The following HS6ST2 variants were observed in gnomAD, a reference collection of about 807,000 sequenced individuals.
The protein encoded by HS6ST2 is heparan sulfate 6-O-sulfotransferase 2.
Under a neutral mutation model 33.0 loss-of-function variants are expected in HS6ST2, and 17 were observed. The ratio of observed to expected loss-of-function variants is 0.52; its 90% CI spans 0.35 to 0.77. The LOEUF (loss-of-function observed/expected upper bound fraction) is 0.77. Among genes scored for constraint, HS6ST2 ranks in the 30% least tolerant of loss-of-function variants. The pLI is 0.01. For missense variants in HS6ST2, 519 were observed against 551.7 expected, an observed-to-expected ratio of 0.94 and a Z score of 0.59; for synonymous variants, 248 against 237.1, an observed-to-expected ratio of 1.05 and a Z score of -0.42.
intron 4 of HS6ST2, among the ~76,000 whole-genome samples, chrX:132,641,917 G>A (rs957468872): frequency 8.9e-6 from 1 of 112,243 alleles, no homozygotes; most frequent in South Asian, 3.8e-4. Context: ...TTACAGAACC[G>A]CAGGGCTGGG....
At chrX:132,690,688 T>C (rs1308429161) in intron 3 of HS6ST2, among the ~76,000 whole-genome samples, 1 of 112,498 alleles carries the variant, frequency 8.9e-6, no homozygotes, top group Non-Finnish European at 1.9e-5. Context: ...TTGTCTCCTA[T>C]ATCTCCTCAC....
intron 2 of HS6ST2, among the ~76,000 whole-genome samples, chrX:132,851,028 T>C (rs1439777845): frequency 7.1e-5 from 8 of 112,207 alleles, no homozygotes; most frequent in African/African-American, 2.6e-4. Flanking sequence ...GAGGCATTAA[T>C]CTATGTAAAG....
At chrX:132,758,907 A>G (rs761498293) in intron 2 of HS6ST2, among the ~76,000 whole-genome samples, 3 of 111,102 alleles carry the variant, frequency 2.7e-5, no homozygotes, top group Non-Finnish European at 5.6e-5. Context: ...CTGATATAGA[A>G]AGCCTATAAA....
intron 4 of HS6ST2, among the ~76,000 whole-genome samples, chrX:132,643,887 A>C (rs777127637): frequency 1.8e-5 from 2 of 111,962 alleles, no homozygotes; most frequent in Non-Finnish European, 3.8e-5. Context: ...TCTTCAAGTC[A>C]TCATTTACTG....
chrX:132,731,206 T>C (rs1439377254), intron 2 of HS6ST2, among the ~76,000 whole-genome samples: 1 of 112,242 alleles, frequency 8.9e-6, no homozygotes, highest in Non-Finnish European at 1.9e-5. Flanking sequence ...AAAACTAGTG[T>C]ATGCATGCAT....
chrX:132,839,276 A>G (rs1391598869), intron 2 of HS6ST2, among the ~76,000 whole-genome samples: 22 of 31,108 alleles, frequency 7.1e-4, no homozygotes, highest in East Asian at 2.0e-3. Context: ...GTGTGTGTAT[A>G]TATATATATA....
intron 2 of HS6ST2, among the ~76,000 whole-genome samples, chrX:132,747,657 G>C (rs1431868869): frequency 1.8e-5 from 2 of 111,293 alleles, no homozygotes; most frequent in Non-Finnish European, 3.8e-5. Context: ...TTTGTACAAG[G>C]GGGAGGGAGG....
intron 2 of HS6ST2, among the ~76,000 whole-genome samples, chrX:132,891,781 A>G (rs1196801712): frequency 1.8e-5 from 2 of 111,801 alleles, no homozygotes; most frequent in Non-Finnish European, 3.8e-5. Context: ...AATCCAGTCT[A>G]TCATTGTTGG....
At chrX:132,847,750 C>A (rs1282442460) in intron 2 of HS6ST2, among the ~76,000 whole-genome samples, 2 of 111,432 alleles carry the variant, frequency 1.8e-5, no homozygotes, top group African/African-American at 3.3e-5. Flanking sequence ...TCACCCCACC[C>A]TCAAGTCTTC....
At chrX:132,848,162 A>G (rs2065770185) in intron 2 of HS6ST2, among the ~76,000 whole-genome samples, 1 of 111,920 alleles carries the variant, frequency 8.9e-6, no homozygotes, top group South Asian at 3.8e-4. Flanking sequence ...AACCTAAAGC[A>G]CATATGCTAA....
At chrX:132,787,921 T>A (rs1221469055) in intron 2 of HS6ST2, among the ~76,000 whole-genome samples, 1 of 110,934 alleles carries the variant, frequency 9.0e-6, no homozygotes, top group Non-Finnish European at 1.9e-5. Context: ...TTTGGATGAA[T>A]TGATGACATG....
intron 2 of HS6ST2, among the ~76,000 whole-genome samples, chrX:132,910,888 G>A (rs755987173): frequency 9.0e-6 from 1 of 111,667 alleles, no homozygotes; most frequent in African/African-American, 3.2e-5. Context: ...GGTAGCTCAC[G>A]CTTGTAATCC....
chrX:132,641,614 T>C (rs1230873759), intron 4 of HS6ST2, among the ~76,000 whole-genome samples: 2 of 113,222 alleles, frequency 1.8e-5, no homozygotes, highest in Non-Finnish European at 3.7e-5. Context: ...ATAACCTCTC[T>C]GTGCTTCTAC....
chrX:132,930,361 C>T (rs2066754658), intron 2 of HS6ST2, among the ~76,000 whole-genome samples: 1 of 110,611 alleles, frequency 9.0e-6, no homozygotes. Flanking sequence ...GAAAGGGTTT[C>T]GTCATGCTGG....
chrX:132,751,316 G>T (rs1404512282), intron 2 of HS6ST2, among the ~76,000 whole-genome samples: 1 of 111,504 alleles, frequency 9.0e-6, no homozygotes, highest in Admixed American at 9.5e-5. Context: ...TTTCAATGAG[G>T]TCATCTAGTC....
chrX:132,798,575 TC>T (rs1304650276), intron 2 of HS6ST2, among the ~76,000 whole-genome samples: 1 of 111,757 alleles, frequency 8.9e-6, no homozygotes, highest in Admixed American at 9.5e-5. Flanking sequence ...ACAAAAAAAG[TC>T]CCCTGAAGCA....
chrX:132,908,547 G>A (rs1251244430), intron 2 of HS6ST2, among the ~76,000 whole-genome samples: 2 of 112,480 alleles, frequency 1.8e-5, no homozygotes, highest in Admixed American at 9.4e-5. Flanking sequence ...TTCATGCAAT[G>A]GAATGTTATT....
At chrX:132,690,084 G>C (rs1295623094) in intron 3 of HS6ST2, among the ~76,000 whole-genome samples, 1 of 112,079 alleles carries the variant, frequency 8.9e-6, no homozygotes, top group Non-Finnish European at 1.9e-5. Flanking sequence ...TACAAAAGCA[G>C]TCATACACAA....
intron 2 of HS6ST2, among the ~76,000 whole-genome samples, chrX:132,727,824 A>T (rs1434421514): frequency 9.0e-6 from 1 of 111,000 alleles, no homozygotes. Flanking sequence ...CCTGGCAATC[A>T]TCTGTTTTCT....
Sources: allele counts gnomAD v4.1 joint callset (sites outside exome capture counted in the v4.1 genomes callset), GRCh38; gene constraint gnomAD v4.1.1; transcripts MANE v1.5; gene names NCBI Gene and HGNC (gene_info 2026-07-23, HGNC 2026-07-21).